The following MORC1 variants were observed in gnomAD, a reference collection of about 807,000 sequenced individuals.
MORC1 encodes the protein MORC family CW-type zinc finger 1, also known as MORC family CW-type zinc finger protein 1.
Under a neutral mutation model 134.9 loss-of-function variants are expected in MORC1, and 59 were observed. That is an observed-to-expected ratio of 0.44 (90% CI 0.35 to 0.54). The LOEUF is 0.54. MORC1 is among the 20% of genes least tolerant of loss of function. MORC1 has a pLI of 0.00. For synonymous variants in MORC1, 395 were observed against 391.7 expected, an observed-to-expected ratio of 1.01 and a Z score of -0.10; for missense variants, 947 against 1,134.5, an observed-to-expected ratio of 0.83 and a Z score of 2.37.
At chr3:109,114,259 G>A in intron 2 of MORC1, 125 bp downstream of exon 2, 1 of 757,272 alleles carries the variant, frequency 1.3e-6, no homozygotes, top group Non-Finnish European at 2.0e-6. Flanking sequence ...GATTTTATAG[G>A]AAATCAAGTC....
intron 8 of MORC1, among the ~76,000 whole-genome samples, chr3:109,093,157 A>G (rs1382959951): frequency 1.3e-5 from 2 of 152,172 alleles, no homozygotes; most frequent in Non-Finnish European, 1.5e-5. Flanking sequence ...TCTGGGGAAC[A>G]TTTGAAAAAG....
At chr3:109,090,633 A>AC (rs1413820550) in intron 8 of MORC1, among the ~76,000 whole-genome samples, 1 of 151,588 alleles carries the variant, frequency 6.6e-6, no homozygotes, top group African/African-American at 2.4e-5. Context: ...AAAAAAAAAA[A>AC]AAAAAAAAAC....
chr3:109,098,220 T>C (rs1950863668), intron 6 of MORC1, among the ~76,000 whole-genome samples: 1 of 152,096 alleles, frequency 6.6e-6, no homozygotes. Flanking sequence ...TAGAACTTGT[T>C]AATATTGTTG....
At chr3:109,076,368 C>G (rs1950421383) in intron 8 of MORC1, among the ~76,000 whole-genome samples, 1 of 152,170 alleles carries the variant, frequency 6.6e-6, no homozygotes, top group Non-Finnish European at 1.5e-5. Flanking sequence ...AACACTTTTA[C>G]ACTGTTGGTG....
chr3:108,963,311 A>T, intron 27 of MORC1, 103 bp downstream of exon 27: 1 of 937,026 alleles, frequency 1.1e-6, no homozygotes, highest in Non-Finnish European at 1.6e-6. Context: ...GACTTAAGTG[A>T]CTTGTCCAGG....
intron 17 of MORC1, 106 bp downstream of exon 17, chr3:109,027,645 A>G: frequency 7.0e-7 from 1 of 1,428,892 alleles, no homozygotes; most frequent in Non-Finnish European, 9.7e-7. Flanking sequence ...GACAGGAAAA[A>G]GATTATACAC....
intron 23 of MORC1, among the ~76,000 whole-genome samples, chr3:108,982,260 G>A (rs1224540545): frequency 6.6e-6 from 1 of 152,134 alleles, no homozygotes; most frequent in East Asian, 1.9e-4. Context: ...ACAACATGCT[G>A]GAGAGGATGT....
intron 10 of MORC1, 81 bp downstream of exon 10, chr3:109,063,071 T>A: frequency 9.6e-7 from 1 of 1,043,952 alleles, no homozygotes; most frequent in Non-Finnish European, 1.5e-6. Context: ...CCTAGAGCAA[T>A]GTATGTCTCA....
intron 14 of MORC1, among the ~76,000 whole-genome samples, chr3:109,043,991 A>T (rs1424129657): frequency 6.6e-6 from 1 of 152,218 alleles, no homozygotes; most frequent in Non-Finnish European, 1.5e-5. Context: ...GTTTACTACT[A>T]CAAAGAGTAG....
chr3:109,063,063 T>C, intron 10 of MORC1, 89 bp downstream of exon 10: 1 of 950,224 alleles, frequency 1.1e-6, no homozygotes, highest in Admixed American at 1.9e-5. Flanking sequence ...CTACAATGCC[T>C]AGAGCAATGT....
At position 109,027,856 on chromosome 3, in the gene MORC1, T is replaced by C. The variant is rs765708457; in HGVS notation, c.1599A>G (p.Pro533=). The change falls in exon 17 of 28, where the codon CCA becomes CCG. Residue 533 remains proline (P), a synonymous_variant. Coordinates refer to ENST00000232603, the MANE Select transcript of MORC1 (RefSeq NM_014429.4). ...CHQVECLPSI[P]LGTMSTISPS... ...GTGATATTGTGCTCATGGTGCCCAG[T>C]GGGATGGAAGGTAGACATTCTACCT... 1.5e-5 allele frequency: 25 copies of C among 1,613,618 alleles called. No homozygotes were observed. Among genetic ancestry groups the C allele is most frequent in the Non-Finnish European group, 1.2e-5 (14 of 1,179,802 alleles).
Position 109,095,021 on chromosome 3 carries a change from G to A in MORC1, c.471C>T (p.Val157=). 1 of 1,591,438 alleles carries A rather than the reference G, an allele frequency of 6.3e-7. No individual in the cohort carries two copies. Among genetic ancestry groups the A allele is most frequent in the Non-Finnish European group, 8.5e-7 (1 of 1,173,452 alleles). ...PSWLIRTRES[V]TDDPQKFAME... ...TTGCAAATTTCTGGGGATCATCTGT[G>A]ACAGATTCTCTGGTTCTTATTAACC... The change falls in exon 7 of 28, where the codon GTC becomes GTT. Residue 157 remains valine, a synonymous_variant. Coordinates refer to ENST00000232603, the MANE Select transcript of MORC1 (RefSeq NM_014429.4).
chr3:109,058,805 A>G (rs1274831557), intron 12 of MORC1, among the ~76,000 whole-genome samples: 1 of 132,094 alleles, frequency 7.6e-6, no homozygotes, highest in Non-Finnish European at 1.6e-5. Flanking sequence ...ATATTAAAGG[A>G]TATACTGATA....
At chr3:109,008,418 C>T (rs566849453) in intron 17 of MORC1, among the ~76,000 whole-genome samples, 81 of 149,666 alleles carry the variant, frequency 5.4e-4, no homozygotes, top group African/African-American at 1.9e-3. Context: ...GAAATACATA[C>T]TTACATACTC....
At chr3:108,977,900 T>C (rs527388541) in intron 24 of MORC1, among the ~76,000 whole-genome samples, 8 of 152,216 alleles carry the variant, frequency 5.3e-5, no homozygotes, top group Non-Finnish European at 1.2e-4. Context: ...TTTTTTGAGA[T>C]GGAGTCTTGC....
intron 14 of MORC1, among the ~76,000 whole-genome samples, chr3:109,047,364 T>C (rs1357873694): frequency 6.6e-6 from 1 of 152,174 alleles, no homozygotes; most frequent in African/African-American, 2.4e-5. Context: ...AACTTTTTAG[T>C]ATTTTATTTG....
rs564776646 is a variant in MORC1, at chr3:108,984,209, A to C, written c.2324+507T>G. On this transcript the variant is annotated intron_variant, in intron 23 of 27. Transcript: ENST00000232603. Reference sequence around the variant, plus strand: ...GAAAGCAGCTTAGATGGGTTTGTACAGAGGATAAGAGTTTGCTTCCTTTAA... The same window carrying C: ...GAAAGCAGCTTAGATGGGTTTGTACCGAGGATAAGAGTTTGCTTCCTTTAA... Among the ~76,000 whole-genome samples, 4 of 152,358 alleles carry C rather than the reference A, an allele frequency of 2.6e-5. No homozygotes were observed. In the South Asian group the frequency reaches 8.3e-4, roughly 32 times the overall value.
At chr3:109,023,811 A>G (rs1044720507) in intron 17 of MORC1, among the ~76,000 whole-genome samples, 1 of 152,224 alleles carries the variant, frequency 6.6e-6, no homozygotes, top group Non-Finnish European at 1.5e-5. Context: ...GCCAATTACA[A>G]CTGAGCAATC....
At chr3:108,969,393 A>T (rs919096773) in intron 26 of MORC1, among the ~76,000 whole-genome samples, 1 of 152,202 alleles carries the variant, frequency 6.6e-6, no homozygotes, top group Non-Finnish European at 1.5e-5. Flanking sequence ...ATTCGGTGAA[A>T]ATATTTCTTT....
Sources: gnomAD v4.1 joint callset for allele counts (sites outside exome capture counted in the v4.1 genomes callset) on GRCh38, gnomAD v4.1.1 for gene constraint, MANE v1.5 for transcripts, NCBI Gene and HGNC (gene_info 2026-07-23, HGNC 2026-07-21) for gene names.